KCNC2: variants seen among roughly 807,000 people sequenced by gnomAD.
KCNC2 encodes the protein potassium voltage-gated channel subfamily C member 2, also known as voltage-gated potassium channel KCNC2.
KCNC2 carries 21 observed loss-of-function variants against 44.5 expected under a neutral mutation model. That is an observed-to-expected ratio of 0.47 (90% CI 0.33 to 0.68). KCNC2 has a LOEUF of 0.68. KCNC2 is among the 30% of genes least tolerant of loss of function. The pLI is 0.01. For missense variants in KCNC2, 589 were observed against 826.2 expected (o/e 0.71, Z 3.52); for synonymous variants, 391 against 339.1 (o/e 1.15, Z -1.68).
intron 2 of KCNC2, among the ~76,000 whole-genome samples, chr12:75,090,626 AG>A (rs1226659977): frequency 6.6e-6 from 1 of 151,754 alleles, no homozygotes. Context: ...ACCAATTGTT[AG>A]AAGCCTTTTC....
At chr12:75,126,828 C>A (rs1356127117) in intron 2 of KCNC2, among the ~76,000 whole-genome samples, 1 of 152,014 alleles carries the variant, frequency 6.6e-6, no homozygotes, top group African/African-American at 2.4e-5. Context: ...AGAAACACGC[C>A]TTTAGAAAAG....
intron 2 of KCNC2, among the ~76,000 whole-genome samples, chr12:75,054,685 A>C (rs1179804018): frequency 1.3e-5 from 2 of 152,194 alleles, no homozygotes; most frequent in African/African-American, 4.8e-5. Flanking sequence ...TATAGGTATA[A>C]GAAACACAGA....
chr12:75,064,416 T>TTTTCTTTAAATTA (rs1321351144), intron 2 of KCNC2, among the ~76,000 whole-genome samples: 1 of 152,010 alleles, frequency 6.6e-6, no homozygotes, highest in East Asian at 1.9e-4. Context: ...GTGTTCTAAT[T>TTTTCTTTAAATTA]TTTCTTTAAA....
At chr12:75,056,292 T>C (rs1236926199) in intron 2 of KCNC2, among the ~76,000 whole-genome samples, 1 of 151,986 alleles carries the variant, frequency 6.6e-6, no homozygotes, top group African/African-American at 2.4e-5. Flanking sequence ...AATCAGCCTA[T>C]ACTATAAAAT....
intron 2 of KCNC2, among the ~76,000 whole-genome samples, chr12:75,138,972 C>T (rs1889433367): frequency 1.1e-5 from 1 of 88,356 alleles, no homozygotes; most frequent in Non-Finnish European, 1.9e-5. Context: ...CAGAGCGAGA[C>T]TCCGTGTAAA....
intron 2 of KCNC2, among the ~76,000 whole-genome samples, chr12:75,099,163 T>G (rs1213464254): frequency 6.6e-6 from 1 of 152,214 alleles, no homozygotes; most frequent in African/African-American, 2.4e-5. Context: ...TGAAATGCAA[T>G]AATTTGAAAA....
chr12:75,197,083 G>A (rs951444097), intron 2 of KCNC2, among the ~76,000 whole-genome samples: 3 of 152,062 alleles, frequency 2.0e-5, no homozygotes, highest in African/African-American at 7.2e-5. Flanking sequence ...TCTCTGGGGT[G>A]AGACCTGAGT....
chr12:75,207,192 C>T lies in KCNC2; in HGVS notation c.687+105G>A, dbSNP rs2031754131. 4.1e-6 allele frequency: 6 copies of T among 1,466,952 alleles called. No homozygotes were observed. The highest frequency in any genetic ancestry group is 5.4e-6 in the Non-Finnish European group (6 of 1,110,358). 90.9% of individuals were successfully genotyped at this position (1,466,952 alleles called of 1,614,324 possible). On this transcript the variant is annotated intron_variant, in intron 2 of 4. Coordinates refer to ENST00000549446, the MANE Select transcript of KCNC2 (RefSeq NM_139137.4). The surrounding 1 kb of genome is among the most constrained non-coding windows in gnomAD (Gnocchi z 4.1). ...TGTATCGCTAGGAAATCCCGGGTCT[C>T]TTCTACCCCCCATGCCTGAGGCCCT...
At chr12:75,061,884 AG>A (rs1292994771) in intron 2 of KCNC2, among the ~76,000 whole-genome samples, 1 of 152,112 alleles carries the variant, frequency 6.6e-6, no homozygotes, top group Non-Finnish European at 1.5e-5. Context: ...GCATCAGGAA[AG>A]GAAGAAATTA....
intron 2 of KCNC2, among the ~76,000 whole-genome samples, chr12:75,091,417 G>C (rs549151476): frequency 6.6e-6 from 1 of 151,810 alleles, no homozygotes; most frequent in Non-Finnish European, 1.5e-5. Context: ...ACATCTGTAT[G>C]AGCCTGTACT....
At chr12:75,129,582 C>T (rs1888683258) in intron 2 of KCNC2, among the ~76,000 whole-genome samples, 1 of 152,068 alleles carries the variant, frequency 6.6e-6, no homozygotes, top group Admixed American at 6.6e-5. Flanking sequence ...CAATACTTGG[C>T]ATACAAGAAG....
At chr12:75,057,773 C>T (rs2136973667) in intron 2 of KCNC2, among the ~76,000 whole-genome samples, 1 of 151,610 alleles carries the variant, frequency 6.6e-6, no homozygotes, top group South Asian at 2.1e-4. Context: ...AGGTATAAAA[C>T]AATATAACAT....
intron 2 of KCNC2, among the ~76,000 whole-genome samples, chr12:75,188,155 CT>C (rs2029873792): frequency 6.6e-6 from 1 of 152,182 alleles, no homozygotes. Context: ...CTGTTTTGTT[CT>C]GTCAGTGTGC....
At chr12:75,126,788 A>G (rs1420523151) in intron 2 of KCNC2, among the ~76,000 whole-genome samples, 5 of 152,184 alleles carry the variant, frequency 3.3e-5, no homozygotes, top group Non-Finnish European at 5.9e-5. Context: ...TATTTGTTAT[A>G]CAAATATTAT....
Position 75,050,372 on chromosome 12 carries a change from T to C in KCNC2, c.1615+18A>G. 1 of 1,548,578 alleles carries C rather than the reference T, an allele frequency of 6.5e-7. No homozygotes were observed. ...TCTATAAAGTATTTAATAACATGCA[T>C]TTGAAGTCCTGCCTTACCTGATCTG... On this transcript the variant is annotated intron_variant, in intron 3 of 4. Transcript: ENST00000549446.
chr12:75,048,703 ATATCT>A (rs1301042175), intron 3 of KCNC2, among the ~76,000 whole-genome samples: 1 of 152,122 alleles, frequency 6.6e-6, no homozygotes, highest in East Asian at 1.9e-4. Flanking sequence ...ATTTAAGAAA[ATATCT>A]TAAGTAAACT....
In KCNC2 at chr12:75,062,016, T is replaced by C. The variant is rs570382142; in HGVS notation, c.688-10699A>G. ...ACATGACTCCAAAAAATAAAACGTA[T>C]GCTTTCTTCCAAAAATAACAATAGT... On this transcript the variant is annotated intron_variant, in intron 2 of 4. Transcript: ENST00000549446. Among the ~76,000 whole-genome samples, 3 of 152,234 alleles carry C rather than the reference T, an allele frequency of 2.0e-5. No individual in the cohort carries two copies. In the East Asian group the frequency reaches 5.8e-4, roughly 29 times the overall value.
chr12:75,201,719 C>T (rs563177321), intron 2 of KCNC2, among the ~76,000 whole-genome samples: 1 of 151,952 alleles, frequency 6.6e-6, no homozygotes, highest in Non-Finnish European at 1.5e-5. Flanking sequence ...TTATTACCAT[C>T]CCTCAACCTG....
chr12:75,090,816 C>T (rs115736885), intron 2 of KCNC2, among the ~76,000 whole-genome samples: 2,552 of 151,632 alleles, frequency 0.017, 73 homozygotes, highest in African/African-American at 0.056. Flanking sequence ...CATCATTTGA[C>T]TCTAGCCTCC....
Sources: allele counts gnomAD v4.1 joint callset (sites outside exome capture counted in the v4.1 genomes callset), GRCh38; gene constraint gnomAD v4.1.1; non-coding constraint Gnocchi (gnomAD v3.1); transcripts MANE v1.5; gene names NCBI Gene and HGNC (gene_info 2026-07-23, HGNC 2026-07-21).